Variants in SUGCT observed in about 807,000 individuals in gnomAD.
SUGCT encodes the protein succinyl-CoA:glutarate CoA-transferase.
Under a neutral mutation model 55.0 loss-of-function variants are expected in SUGCT, and 41 were observed. The observed-to-expected ratio is 0.74, with a 90% CI of 0.58 to 0.97. The LOEUF is 0.97. SUGCT is among the 50% of genes least tolerant of loss of function. The probability of loss-of-function intolerance (pLI) is 0.00; values close to 1 mark genes in which losing one functional copy is unlikely to be tolerated. For synonymous variants in SUGCT, 187 were observed against 200.4 expected, an observed-to-expected ratio of 0.93 and a Z score of 0.56; for missense variants, 568 against 547.8, an observed-to-expected ratio of 1.04 and a Z score of -0.37.
chr7:40,180,414 G>T (rs1025077661), intron 1 of SUGCT, among the ~76,000 whole-genome samples: 1 of 151,896 alleles, frequency 6.6e-6, no homozygotes, highest in Non-Finnish European at 1.5e-5. Context: ...CACCATACCT[G>T]GCCTGTGACA....
downstream of SUGCT, among the ~76,000 whole-genome samples, chr7:40,864,621 T>C (rs1794548384): frequency 6.6e-6 from 1 of 151,998 alleles, no homozygotes; most frequent in Non-Finnish European, 1.5e-5. Context: ...TGAATGCAAA[T>C]ACTTGCACTA....
intron 7 of SUGCT, among the ~76,000 whole-genome samples, chr7:40,249,342 T>A (rs866169105): frequency 1.2e-4 from 14 of 113,710 alleles, no homozygotes; most frequent in African/African-American, 4.9e-4. Context: ...TATATATATA[T>A]ATATAATTAT....
At position 40,780,118 on chromosome 7, in the gene SUGCT, G is replaced by A. The variant is rs866902251; in HGVS notation, c.1153+30621G>A. ...TCATCTGTTGCCCTCCTTTGCTTTT[G>A]TCTTCGGCTGGTGATTTGTAGCCTC... On this transcript the variant is annotated intron_variant, in intron 13 of 13. Transcript: ENST00000335693. 5.3e-5 allele frequency among the ~76,000 whole-genome samples: 8 copies of A among 152,114 alleles called. 1 individual carries two copies. In the South Asian group the frequency reaches 1.7e-3, roughly 32 times the overall value.
chr7:40,344,972 C>T (rs1371941207), intron 9 of SUGCT, among the ~76,000 whole-genome samples: 3 of 152,168 alleles, frequency 2.0e-5, no homozygotes, highest in African/African-American at 7.2e-5. Flanking sequence ...GTATTCGATT[C>T]TCCATAGGTA....
chr7:40,448,957 TATATAGAG>T (rs1259642628), intron 9 of SUGCT, among the ~76,000 whole-genome samples: 2 of 148,136 alleles, frequency 1.4e-5, no homozygotes, highest in African/African-American at 5.0e-5. Flanking sequence ...TGTGTATATA[TATATAGAG>T]AGAGAGAGAG....
At chr7:40,522,779 A>G (rs949969776) in intron 12 of SUGCT, among the ~76,000 whole-genome samples, 4 of 152,114 alleles carry the variant, frequency 2.6e-5, no homozygotes, top group African/African-American at 9.7e-5. Flanking sequence ...TTGCAGATAT[A>G]ATACAAAATG....
intron 12 of SUGCT, among the ~76,000 whole-genome samples, chr7:40,522,228 T>C (rs1793569404): frequency 6.6e-6 from 1 of 152,156 alleles, no homozygotes; most frequent in African/African-American, 2.4e-5. Flanking sequence ...AATTCAAACT[T>C]GTAGTTTCTC....
rs146960432 is a variant in SUGCT at position 40,255,825 on chromosome 7, A to G, written c.576+18099A>G. Among the ~76,000 whole-genome samples the G allele has an allele frequency of 6.5e-3, 991 of 152,230 alleles. 9 individuals carry two copies. Among genetic ancestry groups the G allele is most frequent in the African/African-American group, 0.023 (950 of 41,540 alleles). ...AGAGATTGGACCTTGGTCTTGATCT[A>G]CTGCCATCTTGTACATAGATCTTTG... On this transcript the variant is annotated intron_variant, in intron 7 of 13. Transcript: ENST00000335693.
chr7:40,872,925 A>T, the SUGCT span, among the ~76,000 whole-genome samples: 1 of 152,128 alleles, frequency 6.6e-6, no homozygotes, highest in Non-Finnish European at 1.5e-5. Flanking sequence ...AGGTGGATTA[A>T]GGCTAAAGTG....
intron 12 of SUGCT, among the ~76,000 whole-genome samples, chr7:40,713,653 G>A (rs1361736188): frequency 6.6e-6 from 1 of 152,184 alleles, no homozygotes; most frequent in Admixed American, 6.5e-5. Flanking sequence ...CCACAACAGA[G>A]GTGGATGTAA....
chr7:40,443,616 A>T (rs986213079), intron 9 of SUGCT, among the ~76,000 whole-genome samples: 4 of 152,048 alleles, frequency 2.6e-5, no homozygotes, highest in African/African-American at 4.8e-5. Context: ...TAGATTCTGG[A>T]TATTAGCCAT....
chr7:41,025,066 AT>A, the SUGCT span, among the ~76,000 whole-genome samples: 8 of 152,216 alleles, frequency 5.3e-5, no homozygotes, highest in Non-Finnish European at 5.9e-5. Flanking sequence ...GCATTATATA[AT>A]TTTGGTAAAT....
intron 9 of SUGCT, among the ~76,000 whole-genome samples, chr7:40,326,301 A>G (rs754705842): frequency 6.6e-6 from 1 of 152,116 alleles, no homozygotes; most frequent in African/African-American, 2.4e-5. Flanking sequence ...CATTGTACTA[A>G]GTGTTTTGTG....
chr7:40,405,182 G>T (rs958459523), intron 9 of SUGCT, among the ~76,000 whole-genome samples: 6 of 152,144 alleles, frequency 3.9e-5, no homozygotes, highest in East Asian at 3.9e-4. Context: ...TTTTGGCAAG[G>T]CTAAAGTGTC....
At chr7:40,412,412 G>A (rs532313832) in intron 9 of SUGCT, among the ~76,000 whole-genome samples, 1 of 152,258 alleles carries the variant, frequency 6.6e-6, no homozygotes, top group South Asian at 2.1e-4. Flanking sequence ...TCCTGTTATT[G>A]CTAGGAGGAA....
At chr7:40,402,669 A>C (rs1357338118) in intron 9 of SUGCT, among the ~76,000 whole-genome samples, 1 of 152,090 alleles carries the variant, frequency 6.6e-6, no homozygotes, top group Non-Finnish European at 1.5e-5. Context: ...TTGGAATGGG[A>C]ATCCATGTAT....
the SUGCT span, among the ~76,000 whole-genome samples, chr7:41,018,101 T>C: frequency 6.6e-6 from 1 of 151,910 alleles, no homozygotes; most frequent in Non-Finnish European, 1.5e-5. Context: ...GCTGACCAGA[T>C]CATCTTTGGT....
intron 12 of SUGCT, among the ~76,000 whole-genome samples, chr7:40,503,296 C>A (rs1792395516): frequency 6.6e-6 from 1 of 152,038 alleles, no homozygotes; most frequent in African/African-American, 2.4e-5. Flanking sequence ...AATATAATTG[C>A]AATCAAAGTC....
At chr7:40,308,825 C>T (rs907555551) in intron 8 of SUGCT, among the ~76,000 whole-genome samples, 2 of 152,114 alleles carry the variant, frequency 1.3e-5, no homozygotes, top group African/African-American at 4.8e-5. Context: ...GCCTCGCCAA[C>T]CTGGTGAAAC....
Sources: allele counts gnomAD v4.1 joint callset (sites outside exome capture counted in the v4.1 genomes callset), GRCh38; gene constraint gnomAD v4.1.1; transcripts MANE v1.5; gene names NCBI Gene and HGNC (gene_info 2026-07-23, HGNC 2026-07-21).